The following STX6 variants were observed in gnomAD, a reference collection of about 807,000 sequenced individuals.
STX6 encodes the protein syntaxin 6, also known as syntaxin-6.
In STX6, 23 loss-of-function variants were observed where a neutral mutation model predicts 38.0. The observed-to-expected ratio is 0.60, with a 90% CI of 0.43 to 0.86. STX6 has a LOEUF of 0.86. STX6 is among the 40% of genes least tolerant of loss of function. The pLI is 0.00. For missense variants in STX6, 274 were observed against 312.9 expected (o/e 0.88, Z 0.94); for synonymous variants, 123 against 107.5 (o/e 1.14, Z -0.89).
At chr1:180,990,412 A>G (rs1341009059) in intron 4 of STX6, among the ~76,000 whole-genome samples, 1 of 152,230 alleles carries the variant, frequency 6.6e-6, no homozygotes, top group Non-Finnish European at 1.5e-5. Context: ...ATAATTGAAA[A>G]GCATTCAATC....
chr1:180,997,574 CATT>C (rs1224315147), intron 3 of STX6, among the ~76,000 whole-genome samples: 1 of 152,146 alleles, frequency 6.6e-6, no homozygotes, highest in Non-Finnish European at 1.5e-5. Flanking sequence ...TTAAATCTCT[CATT>C]AATATCTCTT....
At chr1:180,998,022 A>AT (rs1490911649) in intron 3 of STX6, among the ~76,000 whole-genome samples, 1 of 152,258 alleles carries the variant, frequency 6.6e-6, no homozygotes, top group Non-Finnish European at 1.5e-5. Context: ...CTATGATTGC[A>AT]TAACAGTATG....
At chr1:180,988,193 C>G (rs1655643729) in intron 6 of STX6, 46 bp downstream of exon 6, 3 of 1,432,840 alleles carry the variant, frequency 2.1e-6, no homozygotes, top group Non-Finnish European at 3.0e-6. Flanking sequence ...TAGGATGGCT[C>G]TGCCCCTCAA....
At chr1:180,978,280 T>C (rs1427817637) in intron 7 of STX6, among the ~76,000 whole-genome samples, 1 of 152,208 alleles carries the variant, frequency 6.6e-6, no homozygotes, top group Non-Finnish European at 1.5e-5. Flanking sequence ...GGTAAACTGC[T>C]GCCCCTAAAA....
Position 181,008,383 on chromosome 1 carries a change from T to C in STX6, c.36-2920A>G, listed in dbSNP as rs964522061. The stretch of plus-strand genomic sequence containing the variant: ...AGAATATTGGCATTGTACTTACCAG[T>C]TGAGCACCCCAATCTGAAAATCCAA... On this transcript the variant is annotated intron_variant, in intron 1 of 7. Coordinates refer to ENST00000258301, the MANE Select transcript of STX6 (RefSeq NM_005819.6). 3.3e-5 allele frequency among the ~76,000 whole-genome samples: 5 copies of C among 152,170 alleles called. No homozygotes were observed. The East Asian group carries it at 5.8e-4, about 18-fold the overall frequency.
rs898947042 is a variant in STX6, at chr1:181,012,801, A to C, written c.36-7338T>G. Among the ~76,000 whole-genome samples, 3 of 150,888 alleles carry C rather than the reference A, an allele frequency of 2.0e-5. No homozygotes were observed. In the East Asian group the frequency reaches 5.8e-4, roughly 29 times the overall value. On this transcript the variant is annotated intron_variant, in intron 1 of 7. Coordinates refer to ENST00000258301, the MANE Select transcript of STX6 (RefSeq NM_005819.6). The stretch of plus-strand genomic sequence containing the variant: ...GCAATTACCCCGCTTCAGCCTCCTG[A>C]GTAGCTGGGATTACAGGCATGCACC...
chr1:180,994,321 A>G (rs1655838292), intron 3 of STX6, among the ~76,000 whole-genome samples: 3 of 152,214 alleles, frequency 2.0e-5, no homozygotes, highest in Admixed American at 2.0e-4. Context: ...CGCTTTTACA[A>G]TCCCAGAACT....
At chr1:180,988,603 C>G (rs1366982186) in intron 5 of STX6, 1 of 364,268 alleles carries the variant, frequency 2.7e-6, no homozygotes, top group East Asian at 6.5e-5. Flanking sequence ...GAGATTTACT[C>G]TGGTTGGCTG....
At chr1:181,016,706 GAACACA>G in intron 1 of STX6, among the ~76,000 whole-genome samples, 1 of 152,258 alleles carries the variant, frequency 6.6e-6, no homozygotes, top group South Asian at 2.1e-4. Flanking sequence ...GAAGGTTAAA[GAACACA>G]ACATAACATA....
intron 1 of STX6, among the ~76,000 whole-genome samples, chr1:181,016,055 G>A (rs747947012): frequency 1.1e-4 from 16 of 152,182 alleles, no homozygotes; most frequent in Admixed American, 2.0e-4. Context: ...TTTAAAAACT[G>A]CCTCCTGATT....
In STX6 at chr1:180,975,159, A is replaced by T. The variant is rs1655213188; in HGVS notation, c.*1411T>A. The T allele has an allele frequency of 6.6e-6, 1 of 152,644 alleles. No homozygotes were observed. The highest frequency in any genetic ancestry group is 1.5e-5 in the Non-Finnish European group (1 of 68,044). The allele number at this position is 152,644 out of a possible 1,614,324, so 9.5% of individuals were successfully genotyped here. A position where few individuals can be genotyped will look rare whatever the true frequency, so the allele number is the denominator to read the frequency against. On this transcript the variant is annotated 3_prime_UTR_variant, in exon 8 of 8. Transcript: ENST00000258301. ...GCACCCAAAAAGACAAGGAAATGAGAAGTCAAAGCTAGAACTCTATCCAGA... is the reference window on the plus strand; with the variant it reads ...GCACCCAAAAAGACAAGGAAATGAGTAGTCAAAGCTAGAACTCTATCCAGA...
At chr1:181,019,168 T>C (rs1253326432) in intron 1 of STX6, among the ~76,000 whole-genome samples, 2 of 152,152 alleles carry the variant, frequency 1.3e-5, no homozygotes, top group African/African-American at 4.8e-5. Flanking sequence ...ACTACTTCCC[T>C]AAACTGTCTA....
intron 1 of STX6, among the ~76,000 whole-genome samples, chr1:181,010,849 T>C (rs750872571): frequency 6.6e-6 from 1 of 152,190 alleles, no homozygotes; most frequent in African/African-American, 2.4e-5. Context: ...GATCTTTCTG[T>C]GAAAGGATCT....
intron 2 of STX6, among the ~76,000 whole-genome samples, chr1:181,003,251 T>C (rs753507266): frequency 6.6e-6 from 1 of 152,222 alleles, no homozygotes; most frequent in Non-Finnish European, 1.5e-5. Flanking sequence ...GGTATCTATT[T>C]GTGTTATTAC....
chr1:180,989,385 AC>A (rs1425202675), intron 5 of STX6: 1 of 151,490 alleles, frequency 6.6e-6, no homozygotes, highest in Non-Finnish European at 1.5e-5. Flanking sequence ...AGTCCCAGCT[AC>A]TCAGGAGGCT....
intron 2 of STX6, among the ~76,000 whole-genome samples, chr1:181,004,610 T>C (rs1159843511): frequency 6.6e-6 from 1 of 152,210 alleles, no homozygotes; most frequent in Non-Finnish European, 1.5e-5. Flanking sequence ...CTGCACCTTT[T>C]CTCCCATACC....
At chr1:181,020,214 C>CAAA (rs113021127) in intron 1 of STX6, among the ~76,000 whole-genome samples, 7 of 136,982 alleles carry the variant, frequency 5.1e-5, no homozygotes, top group African/African-American at 1.9e-4. Flanking sequence ...GACTCTGTCT[C>CAAA]AAAAAAAAAA....
chr1:180,973,618 G>T lies in STX6; in HGVS notation c.*2952C>A, dbSNP rs142266195. 2.0e-5 allele frequency: 3 copies of T among 152,624 alleles called. No individual in the cohort carries two copies. Among genetic ancestry groups the T allele is most frequent in the African/African-American group, 7.2e-5 (3 of 41,420 alleles). 9.5% of individuals were successfully genotyped at this position (152,624 alleles called of 1,614,324 possible). The stretch of plus-strand genomic sequence containing the variant: ...CCAAGTTTCCCCCTTCAGCTCTGGC[G>T]TGCATTCTGAAATTGTGGAAGATCC... On this transcript the variant is annotated 3_prime_UTR_variant, in exon 8 of 8. Coordinates refer to ENST00000258301, the MANE Select transcript of STX6 (RefSeq NM_005819.6).
chr1:180,976,587 G>A lies in STX6; in HGVS notation c.751C>T (p.Leu251Phe). Residue 251 changes from leucine to phenylalanine, a missense_variant, in exon 8 of 8, where the codon CTC becomes TTC. By Grantham distance (22) the Leu-to-Phe change is conservative. Coordinates refer to ENST00000258301, the MANE Select transcript of STX6 (RefSeq NM_005819.6). ...CCCCGCCGTCACAGCACTAAGAAGA[G>A]GATGAGCACAACCAACAGGACTGCA... ...LFAVLLVVLI[L>F]FLVL 6.2e-7 allele frequency: 1 copy of A among 1,613,780 alleles called. No individual in the cohort carries two copies. Among genetic ancestry groups the A allele is most frequent in the Non-Finnish European group, 8.5e-7 (1 of 1,180,014 alleles).
Sources: gnomAD v4.1 joint callset for allele counts (sites outside exome capture counted in the v4.1 genomes callset) on GRCh38, gnomAD v4.1.1 for gene constraint, MANE v1.5 for transcripts, NCBI Gene and HGNC (gene_info 2026-07-23, HGNC 2026-07-21) for gene names.